Variants in ASAH2 observed in about 807,000 individuals in gnomAD.
The protein encoded by ASAH2 is neutral ceramidase.
A neutral mutation model predicts 82.9 loss-of-function variants in ASAH2; 58 were observed. That is an observed-to-expected ratio of 0.70 (90% confidence interval 0.57 to 0.87). ASAH2 has a LOEUF of 0.87. ASAH2 is among the 40% of genes least tolerant of loss of function. ASAH2 has a pLI of 0.00. For missense variants in ASAH2, 779 were observed against 834.0 expected (o/e 0.93, Z 0.81); for synonymous variants, 276 against 289.7 (o/e 0.95, Z 0.48).
chr10:50,216,135 C>T (rs1845592798), intron 8 of ASAH2, among the ~76,000 whole-genome samples: 1 of 137,806 alleles, frequency 7.3e-6, no homozygotes, highest in Admixed American at 7.7e-5. Flanking sequence ...GGGAGGGGAA[C>T]ATCACACACT....
chr10:50,236,613 TAAC>T (rs1359018255), intron 4 of ASAH2, among the ~76,000 whole-genome samples: 1 of 152,140 alleles, frequency 6.6e-6, no homozygotes, highest in Non-Finnish European at 1.5e-5. Flanking sequence ...AAAATAATAA[TAAC>T]AATACCTAAC....
chr10:50,233,811 C>A (rs1383822869), intron 6 of ASAH2, among the ~76,000 whole-genome samples: 1 of 152,056 alleles, frequency 6.6e-6, no homozygotes, highest in Non-Finnish European at 1.5e-5. Context: ...CCAAGCACTT[C>A]TCTTCTGTTA....
chr10:50,235,805 G>T, intron 5 of ASAH2, 83 bp downstream of exon 5: 1 of 1,467,268 alleles, frequency 6.8e-7, no homozygotes, highest in Admixed American at 1.7e-5. Context: ...ATCCTATAGG[G>T]ATTCTTTATA....
At chr10:50,232,068 A>G (rs1846033946) in intron 7 of ASAH2, among the ~76,000 whole-genome samples, 1 of 152,134 alleles carries the variant, frequency 6.6e-6, no homozygotes, top group Non-Finnish European at 1.5e-5. Context: ...AGCCAAGTCA[A>G]CCTTACCTCA....
At chr10:50,250,166 T>G (rs573494446) in intron 1 of ASAH2, among the ~76,000 whole-genome samples, 3 of 152,254 alleles carry the variant, frequency 2.0e-5, no homozygotes, top group African/African-American at 7.2e-5. Context: ...TTGTTCTCTT[T>G]AGATGGGGGA....
chr10:50,215,160 G>A (rs1845560783), intron 8 of ASAH2, among the ~76,000 whole-genome samples: 1 of 152,276 alleles, frequency 6.6e-6, no homozygotes, highest in African/African-American at 2.4e-5. Flanking sequence ...GTCCTAAATG[G>A]TATTTGCCTA....
intron 17 of ASAH2, among the ~76,000 whole-genome samples, chr10:50,197,994 A>G (rs2669789): frequency 0.02 from 2,152 of 105,312 alleles, 13 homozygotes; most frequent in Middle Eastern, 0.047. Flanking sequence ...CCAAAATTAT[A>G]ATAAAATGAA....
chr10:50,196,331 A>G (rs1313132586), intron 18 of ASAH2, among the ~76,000 whole-genome samples: 2 of 151,986 alleles, frequency 1.3e-5, no homozygotes, highest in Non-Finnish European at 2.9e-5. Context: ...ATGATACTAT[A>G]TGTAGAAATT....
chr10:50,237,382 C>G (rs2133227546), intron 4 of ASAH2, among the ~76,000 whole-genome samples: 1 of 152,282 alleles, frequency 6.6e-6, no homozygotes, highest in Non-Finnish European at 1.5e-5. Context: ...CTTGGTCAAG[C>G]CATCAGAAAA....
In ASAH2 at chr10:50,248,572, C is replaced by T. The variant is rs1368108622; in HGVS notation, c.39G>A (p.Leu13=). 6.2e-7 allele frequency: 1 copy of T among 1,613,732 alleles called. No individual in the cohort carries two copies. Among genetic ancestry groups the T allele is most frequent in the South Asian group, 1.1e-5 (1 of 91,066 alleles). ...CACTCATCATTACAAGGAGGAAAAT[C>T]AGGAATGTCTCCAAGTTAGAGAAGG... ...KRTFSNLETF[L]IFLLVMMSAI... Residue 13 remains leucine (L), a synonymous_variant, in exon 2 of 21, where the codon CTG becomes CTA. Coordinates refer to ENST00000682911, the MANE Select transcript of ASAH2 (RefSeq NM_019893.4).
chr10:50,211,276 C>T, intron 10 of ASAH2, 142 bp from the exon 11 acceptor site: 1 of 699,402 alleles, frequency 1.4e-6, no homozygotes, highest in Non-Finnish European at 2.5e-6. Context: ...TTAGAATTGG[C>T]CACCAACCAC....
intron 12 of ASAH2, among the ~76,000 whole-genome samples, chr10:50,207,629 A>T (rs901951498): frequency 5.1e-5 from 3 of 58,932 alleles, no homozygotes; most frequent in African/African-American, 1.0e-4. Flanking sequence ...AGAAATAGGC[A>T]ATCTAAAAAA....
Position 50,250,685 on chromosome 10 carries a change from G to A in ASAH2, c.-37+710C>T, listed in dbSNP as rs559211169. Among the ~76,000 whole-genome samples the A allele has an allele frequency of 1.8e-4, 28 of 152,292 alleles. 1 individual carries two copies. The South Asian group carries it at 5.6e-3, about 30-fold the overall frequency. ...GACAGCTGGACCTCCCAACCCCAGA[G>A]CATGGACAGGCAGATTGTGTATGTA... is the stretch of plus-strand genomic sequence containing the variant. On this transcript the variant is annotated intron_variant, in intron 1 of 20. Coordinates refer to ENST00000682911, the MANE Select transcript of ASAH2 (RefSeq NM_019893.4).
At chr10:50,239,247 T>C (rs1411506195) in intron 4 of ASAH2, among the ~76,000 whole-genome samples, 1 of 152,222 alleles carries the variant, frequency 6.6e-6, no homozygotes, top group East Asian at 1.9e-4. Flanking sequence ...GTGTTATAAA[T>C]AATATTAATG....
At chr10:50,240,633 C>T in intron 4 of ASAH2, 1 of 701,742 alleles carries the variant, frequency 1.4e-6, no homozygotes. Context: ...TCTCCAACTA[C>T]ATGCCTCCAT....
chr10:50,224,021 T>C (rs1845814826), intron 7 of ASAH2, among the ~76,000 whole-genome samples: 1 of 152,174 alleles, frequency 6.6e-6, no homozygotes, highest in African/African-American at 2.4e-5. Context: ...ATTTCTGTTG[T>C]TTTAAGCCAC....
Position 50,209,082 on chromosome 10 carries a change from G to C in ASAH2, c.1414+1741C>G, listed in dbSNP as rs929349885. On this transcript the variant is annotated intron_variant, in intron 12 of 20. Coordinates refer to ENST00000682911, the MANE Select transcript of ASAH2 (RefSeq NM_019893.4). Reference sequence around the variant, plus strand: ...TAAGTGGTGCTAGGATAACTGAATAGCCATATGCAAAAGAATAAAGGCAGG... The same window carrying C: ...TAAGTGGTGCTAGGATAACTGAATACCCATATGCAAAAGAATAAAGGCAGG... 6.1e-3 allele frequency among the ~76,000 whole-genome samples: 934 copies of C among 152,150 alleles called. 12 individuals are homozygous for C. The highest frequency in any genetic ancestry group is 0.021 in the African/African-American group (892 of 41,496).
intron 7 of ASAH2, among the ~76,000 whole-genome samples, chr10:50,231,518 T>C (rs1367567809): frequency 6.6e-6 from 1 of 152,138 alleles, no homozygotes; most frequent in Non-Finnish European, 1.5e-5. Context: ...CTTGTCTATA[T>C]ATTTGTCTCT....
At chr10:50,225,009 A>C (rs1845842007) in intron 7 of ASAH2, among the ~76,000 whole-genome samples, 1 of 152,212 alleles carries the variant, frequency 6.6e-6, no homozygotes, top group Non-Finnish European at 1.5e-5. Context: ...CCTGCAGAAT[A>C]TTTCTACCAA....
Sources: gnomAD v4.1 joint callset for allele counts (sites outside exome capture counted in the v4.1 genomes callset) on GRCh38, gnomAD v4.1.1 for gene constraint, MANE v1.5 for transcripts, NCBI Gene and HGNC (gene_info 2026-07-23, HGNC 2026-07-21) for gene names.